Variants in BLVRA observed in about 807,000 individuals in gnomAD.
BLVRA encodes biliverdin reductase A, also known as BVR A.
BLVRA carries 22 observed loss-of-function variants against 32.8 expected under a neutral mutation model. That is an observed-to-expected ratio of 0.67 (90% CI 0.48 to 0.96). The LOEUF (loss-of-function observed/expected upper bound fraction) is 0.96. Ranked by LOEUF, BLVRA falls within the 40% of genes least tolerant of loss-of-function variation. BLVRA has a pLI of 0.00. For synonymous variants in BLVRA, 119 were observed against 141.3 expected (o/e 0.84, Z 1.12); for missense variants, 323 against 358.1 (o/e 0.90, Z 0.79).
chr7:43,803,531 G>A, intron 6 of BLVRA, 145 bp from the exon 7 acceptor site: 1 of 854,984 alleles, frequency 1.2e-6, no homozygotes, highest in Non-Finnish European at 2.0e-6. Context: ...TAATCACGTT[G>A]CCTGCCTACC....
chr7:43,768,631 T>C (rs1326200519), intron 1 of BLVRA, among the ~76,000 whole-genome samples: 2 of 152,226 alleles, frequency 1.3e-5, no homozygotes, highest in South Asian at 2.1e-4. Flanking sequence ...CTCCTCACAT[T>C]TGGGTGTTCT....
At chr7:43,800,409 T>C in intron 5 of BLVRA, 56 bp from the exon 6 acceptor site, 1 of 1,495,464 alleles carries the variant, frequency 6.7e-7, no homozygotes, top group Admixed American at 1.7e-5. Flanking sequence ...CCCTCTGGGA[T>C]GCACACCTAG....
intron 2 of BLVRA, among the ~76,000 whole-genome samples, chr7:43,779,222 G>A (rs879287617): frequency 9.2e-5 from 14 of 152,334 alleles, no homozygotes; most frequent in East Asian, 7.7e-4. Flanking sequence ...GAAATCACCC[G>A]TCTTCTGCGT....
At chr7:43,802,474 A>ACAC (rs1460303246) in intron 6 of BLVRA, among the ~76,000 whole-genome samples, 1 of 152,018 alleles carries the variant, frequency 6.6e-6, no homozygotes, top group East Asian at 1.9e-4. Flanking sequence ...TGGATTTCTC[A>ACAC]CACCAATACT....
chr7:43,771,054 A>T (rs2095754141), intron 1 of BLVRA, 84 bp from the exon 2 acceptor site: 2 of 1,144,102 alleles, frequency 1.7e-6, no homozygotes, highest in Non-Finnish European at 2.7e-6. Flanking sequence ...GCAGTGGGGG[A>T]GCATGGGGTG....
At chr7:43,790,056 A>G (rs1244924717) in intron 3 of BLVRA, among the ~76,000 whole-genome samples, 1 of 152,188 alleles carries the variant, frequency 6.6e-6, no homozygotes, top group African/African-American at 2.4e-5. Context: ...GAAACCTAGC[A>G]TAATACTCTT....
chr7:43,782,338 A>G (rs1427088375), intron 2 of BLVRA, among the ~76,000 whole-genome samples: 1 of 152,232 alleles, frequency 6.6e-6, no homozygotes, highest in African/African-American at 2.4e-5. Context: ...AAGAAGGACC[A>G]TCGGCCACAG....
Position 43,795,377 on chromosome 7 carries a change from G to A in BLVRA, c.352+2565G>A, listed in dbSNP as rs936319073. 3.3e-5 allele frequency among the ~76,000 whole-genome samples: 5 copies of A among 152,052 alleles called. No homozygotes were observed. In the South Asian group the frequency reaches 8.3e-4, roughly 25 times the overall value. ...CTAAAAATACAAAAATTAGCCAGGT[G>A]TGGTGGCGCGCACATATAGTCCCAG... On this transcript the variant is annotated intron_variant, in intron 5 of 7. Transcript: ENST00000265523.
intron 3 of BLVRA, among the ~76,000 whole-genome samples, chr7:43,791,004 A>C (rs1489609393): frequency 6.6e-6 from 1 of 152,216 alleles, no homozygotes; most frequent in Non-Finnish European, 1.5e-5. Context: ...AAGTAATTCA[A>C]GACTCTCCCA....
intron 3 of BLVRA, among the ~76,000 whole-genome samples, chr7:43,789,711 T>TCACACTGTTTCCCTC: frequency 6.6e-6 from 1 of 152,280 alleles, no homozygotes; most frequent in East Asian, 1.9e-4. Flanking sequence ...CTGCCAGTAC[T>TCACACTGTTTCCCTC]CACACTGTTT....
chr7:43,806,901 G>A (rs376557293), intron 7 of BLVRA, 76 bp from the exon 8 acceptor site: 15 of 1,548,270 alleles, frequency 9.7e-6, no homozygotes, highest in East Asian at 2.2e-5. Context: ...GTTACCAGGC[G>A]GTCTGGTGCC....
chr7:43,790,456 GACAC>G (rs147298790), intron 3 of BLVRA, among the ~76,000 whole-genome samples: 11 of 151,232 alleles, frequency 7.3e-5, no homozygotes, highest in South Asian at 4.2e-4. Flanking sequence ...CACACACACA[GACAC>G]ACACACACAC....
chr7:43,789,106 T>C (rs1187268749), intron 3 of BLVRA, among the ~76,000 whole-genome samples: 8 of 152,114 alleles, frequency 5.3e-5, no homozygotes, highest in Admixed American at 5.2e-4. Flanking sequence ...ATATTAATTG[T>C]GAACTAGATA....
At position 43,787,517 on chromosome 7, in the gene BLVRA, T is replaced by C. The variant is rs979175718; in HGVS notation, c.13-387T>C. Reference sequence around the variant, plus strand: ...ATGACTCCCAGTAGTATCAGATTCATGTGTCCACTGGAGGAGGGACCCAGG... The same window carrying C: ...ATGACTCCCAGTAGTATCAGATTCACGTGTCCACTGGAGGAGGGACCCAGG... On this transcript the variant is annotated intron_variant, in intron 2 of 7. Coordinates refer to ENST00000265523, the MANE Select transcript of BLVRA (RefSeq NM_000712.4). This position sits in a 1 kb window ranked among gnomAD's most constrained non-coding sequence, Gnocchi z 4.5. 2.0e-5 allele frequency among the ~76,000 whole-genome samples: 3 copies of C among 152,152 alleles called. No individual in the cohort carries two copies. The highest frequency in any genetic ancestry group is 1.3e-4 in the Admixed American group (2 of 15,278).
At chr7:43,790,120 C>T (rs2132577868) in intron 3 of BLVRA, among the ~76,000 whole-genome samples, 1 of 152,206 alleles carries the variant, frequency 6.6e-6, no homozygotes, top group East Asian at 1.9e-4. Flanking sequence ...AGCTGGAGCT[C>T]TGAGCGGGCT....
chr7:43,801,250 G>A (rs2095798346), intron 6 of BLVRA, among the ~76,000 whole-genome samples: 1 of 152,094 alleles, frequency 6.6e-6, no homozygotes, highest in Non-Finnish European at 1.5e-5. Context: ...ACCTGTCTTG[G>A]CCTCCAAAGT....
chr7:43,788,323 T>C (rs559565518), intron 3 of BLVRA, among the ~76,000 whole-genome samples: 1 of 152,348 alleles, frequency 6.6e-6, no homozygotes, highest in Non-Finnish European at 1.5e-5. Context: ...CATGGGGCTT[T>C]GGCCTGAAAG....
At chr7:43,784,053 A>G (rs1038033891) in intron 2 of BLVRA, among the ~76,000 whole-genome samples, 1 of 152,196 alleles carries the variant, frequency 6.6e-6, no homozygotes, top group Non-Finnish European at 1.5e-5. Context: ...TCTGAGTCCA[A>G]GGGTGGGGGC....
Position 43,788,018 on chromosome 7 carries a change from G to C in BLVRA, c.127G>C (p.Val43Leu), listed in dbSNP as rs183114141. The change falls in exon 3 of 8, where the codon GTG becomes CTG. Residue 43 changes from valine (V) to leucine (L), a missense_variant. Physicochemically the swap from Val to Leu is conservative, Grantham distance 32. Coordinates refer to ENST00000265523, the MANE Select transcript of BLVRA (RefSeq NM_000712.4). ...SSAFLNLIGFVSRRELGSIDG... is the reference protein window; with the variant it reads ...SSAFLNLIGFLSRRELGSIDG... ...AGCGTTCCTGAACCTGATTGGCTTC[G>C]TGTCGAGGTGGCTCACAATGTCTTT... is the stretch of plus-strand genomic sequence containing the variant. 2.5e-6 allele frequency: 4 copies of C among 1,614,198 alleles called. No homozygotes were observed. Among genetic ancestry groups the C allele is most frequent in the Middle Eastern group, 1.6e-4 (1 of 6,062 alleles).
Sources: allele counts gnomAD v4.1 joint callset (sites outside exome capture counted in the v4.1 genomes callset), GRCh38; gene constraint gnomAD v4.1.1; non-coding constraint Gnocchi (gnomAD v3.1); transcripts MANE v1.5; gene names NCBI Gene and HGNC (gene_info 2026-07-23, HGNC 2026-07-21).